The following OPRM1 variants were observed in gnomAD, a reference collection of about 807,000 sequenced individuals.
The protein encoded by OPRM1 is mu-type opioid receptor.
OPRM1 carries 27 observed loss-of-function variants against 31.8 expected under a neutral mutation model. The observed-to-expected ratio is 0.85, with a 90% CI of 0.63 to 1.17. The LOEUF is 1.17. OPRM1 is among the 50% of genes most tolerant of loss of function. OPRM1 has a pLI of 0.00. For missense variants in OPRM1, 536 were observed against 511.1 expected, an observed-to-expected ratio of 1.05 and a Z score of -0.47; for synonymous variants, 196 against 189.9, an observed-to-expected ratio of 1.03 and a Z score of -0.26.
chr6:154,094,906 A>G (rs1443833334), intron 3 of OPRM1, among the ~76,000 whole-genome samples: 1 of 152,204 alleles, frequency 6.6e-6, no homozygotes, highest in Non-Finnish European at 1.5e-5. Flanking sequence ...CGTAGTAAGG[A>G]CATGCTGCAT....
intron 3 of OPRM1, among the ~76,000 whole-genome samples, chr6:154,177,381 T>C (rs1800425869): frequency 6.6e-6 from 1 of 152,100 alleles, no homozygotes; most frequent in Non-Finnish European, 1.5e-5. Flanking sequence ...ATCTTTGCAA[T>C]CTATCCATCT....
Position 154,107,444 on chromosome 6 carries a change from C to T in OPRM1, c.1165-11239C>T, listed in dbSNP as rs1376751124. The T allele has an allele frequency of 1.4e-6, 1 of 718,382 alleles. No individual in the cohort carries two copies. Among genetic ancestry groups the T allele is most frequent in the South Asian group, 1.5e-5 (1 of 67,570 alleles). 44.5% of individuals were successfully genotyped at this position (718,382 alleles called of 1,614,324 possible). A position where few individuals can be genotyped will look rare whatever the true frequency, so the allele number is the denominator to read the frequency against. On this transcript the variant is annotated intron_variant, in intron 3 of 3. Coordinates refer to ENST00000330432, the MANE Select transcript of OPRM1 (RefSeq NM_000914.5). ...AGACGTCTTCACTCAGATATTAAACCAGAAGTGACTTACTTTCTAGGTGGA... is the reference window on the plus strand; with the variant it reads ...AGACGTCTTCACTCAGATATTAAACTAGAAGTGACTTACTTTCTAGGTGGA...
intron 3 of OPRM1, among the ~76,000 whole-genome samples, chr6:154,185,557 C>T (rs1441551493): frequency 6.6e-6 from 1 of 152,112 alleles, no homozygotes; most frequent in Non-Finnish European, 1.5e-5. Flanking sequence ...CATAAAATTG[C>T]TATAGATTTG....
At chr6:154,238,519 G>A (rs1243458707) in intron 3 of OPRM1, among the ~76,000 whole-genome samples, 2 of 152,102 alleles carry the variant, frequency 1.3e-5, no homozygotes, top group Non-Finnish European at 2.9e-5. Context: ...GCCTGTCTTG[G>A]CCTTCCAAAG....
chr6:154,232,887 G>C (rs1779829492), intron 3 of OPRM1, among the ~76,000 whole-genome samples: 1 of 151,538 alleles, frequency 6.6e-6, no homozygotes, highest in South Asian at 2.1e-4. Flanking sequence ...TTAGTTCCTA[G>C]GAAAGCAGGA....
At chr6:154,240,411 C>T (rs935431660) in intron 3 of OPRM1, among the ~76,000 whole-genome samples, 6 of 152,078 alleles carry the variant, frequency 3.9e-5, no homozygotes, top group Admixed American at 6.5e-5. Flanking sequence ...TGTAAACTCA[C>T]TCAGACATTT....
chr6:154,036,603 A>G (rs961086622), upstream of OPRM1, among the ~76,000 whole-genome samples: 3 of 152,006 alleles, frequency 2.0e-5, no homozygotes, highest in Admixed American at 6.5e-5. Flanking sequence ...CCATAAGTCT[A>G]TACATTTAAG....
At chr6:154,145,415 C>T (rs1016747038) in intron 3 of OPRM1, among the ~76,000 whole-genome samples, 5 of 152,178 alleles carry the variant, frequency 3.3e-5, no homozygotes, top group African/African-American at 1.2e-4. Context: ...TTTACAATCA[C>T]TCAAAAAATG....
At chr6:154,044,246 T>A (rs1385572447) in intron 1 of OPRM1, among the ~76,000 whole-genome samples, 2 of 152,158 alleles carry the variant, frequency 1.3e-5, no homozygotes, top group Admixed American at 1.3e-4. Flanking sequence ...TGCATGTTTT[T>A]AAACATTTAC....
chr6:154,150,767 G>A (rs1409945031), intron 3 of OPRM1, among the ~76,000 whole-genome samples: 1 of 152,258 alleles, frequency 6.6e-6, no homozygotes, highest in East Asian at 1.9e-4. Context: ...AAGGCCAAGT[G>A]TTTAATCTTC....
intron 3 of OPRM1, among the ~76,000 whole-genome samples, chr6:154,195,950 C>T (rs1329699249): frequency 1.3e-5 from 2 of 151,950 alleles, no homozygotes; most frequent in Non-Finnish European, 2.9e-5. Context: ...TGCCACCATA[C>T]CTGGCTAATT....
upstream of OPRM1, among the ~76,000 whole-genome samples, chr6:154,037,022 A>G (rs1180321900): frequency 6.6e-6 from 1 of 151,998 alleles, no homozygotes; most frequent in Non-Finnish European, 1.5e-5. Context: ...AGATGACAGA[A>G]TCACCATTCC....
Position 154,090,029 on chromosome 6 carries a change from T to A in OPRM1, c.494T>A (p.Val165Asp), listed in dbSNP as rs750583727. 2.5e-6 allele frequency: 4 copies of A among 1,614,040 alleles called. No individual in the cohort carries two copies. In the East Asian group the frequency reaches 8.9e-5, roughly 36 times the overall value. ...TSIFTLCTMSVDRYIAVCHPV... is the reference protein window; with the variant it reads ...TSIFTLCTMSDDRYIAVCHPV... ...ATATTCACCCTCTGCACCATGAGTG[T>A]TGATCGATACATTGCAGTCTGCCAC... The change falls in exon 2 of 4, where the codon GTT becomes GAT. Residue 165 changes from valine to aspartate, a missense_variant. Physicochemically the swap from Val to Asp is radical, Grantham distance 152. Coordinates refer to ENST00000330432, the MANE Select transcript of OPRM1 (RefSeq NM_000914.5).
At chr6:154,198,207 A>G (rs78294709) in intron 3 of OPRM1, among the ~76,000 whole-genome samples, 4,248 of 152,290 alleles carry the variant, frequency 0.028, 206 homozygotes, top group African/African-American at 0.097. Flanking sequence ...GCATGAATCT[A>G]TCTCCTTTTG....
At chr6:154,023,275 T>C (rs1298422920) in intron 1 of OPRM1, among the ~76,000 whole-genome samples, 1 of 152,216 alleles carries the variant, frequency 6.6e-6, no homozygotes, top group Non-Finnish European at 1.5e-5. Flanking sequence ...ACTTCTTTGG[T>C]TAATTTAACT....
At chr6:154,137,900 G>T (rs999043744) in intron 3 of OPRM1, among the ~76,000 whole-genome samples, 1 of 152,206 alleles carries the variant, frequency 6.6e-6, no homozygotes, top group Non-Finnish European at 1.5e-5. Context: ...TCAGGGCTGA[G>T]ACCCATCTTT....
intron 1 of OPRM1, among the ~76,000 whole-genome samples, chr6:154,061,232 C>T (rs7773995): frequency 0.14 from 21,974 of 152,096 alleles, 1,691 homozygotes; most frequent in Non-Finnish European, 0.17. Context: ...AATACTTTCA[C>T]AGACACTCTC....
At chr6:154,033,655 A>G (rs1170221891) in intron 1 of OPRM1, among the ~76,000 whole-genome samples, 2 of 152,310 alleles carry the variant, frequency 1.3e-5, no homozygotes, top group South Asian at 2.1e-4. Context: ...TGATTTGCTC[A>G]AGAAGTGATT....
chr6:154,081,942 C>A (rs1789262124), intron 1 of OPRM1, among the ~76,000 whole-genome samples: 1 of 152,162 alleles, frequency 6.6e-6, no homozygotes, highest in African/African-American at 2.4e-5. Flanking sequence ...CTTTTTGAGG[C>A]AAACTAGCAA....
Sources: allele counts gnomAD v4.1 joint callset (sites outside exome capture counted in the v4.1 genomes callset), GRCh38; gene constraint gnomAD v4.1.1; transcripts MANE v1.5; gene names NCBI Gene and HGNC (gene_info 2026-07-23, HGNC 2026-07-21).